Variants in PTK2 observed in about 807,000 individuals in gnomAD.
The protein encoded by PTK2 is focal adhesion kinase 1.
A neutral mutation model predicts 150.1 loss-of-function variants in PTK2; 45 were observed. The observed-to-expected ratio is 0.30, with a 90% CI of 0.24 to 0.38. The LOEUF is 0.38. PTK2 is among the 10% of genes least tolerant of loss of function. The pLI is 1.00. For missense variants in PTK2, 919 were observed against 1,307.3 expected (o/e 0.70, Z 4.58); for synonymous variants, 432 against 449.2 (o/e 0.96, Z 0.48).
intron 7 of PTK2, among the ~76,000 whole-genome samples, chr8:140,843,767 T>C (rs1469547836): frequency 6.6e-6 from 1 of 151,730 alleles, no homozygotes; most frequent in African/African-American, 2.4e-5. Context: ...GTATCCTGTA[T>C]AGTCCACACC....
chr8:140,920,934 C>G, intron 2 of PTK2: 1 of 1,491,994 alleles, frequency 6.7e-7, no homozygotes, highest in African/African-American at 1.4e-5. Flanking sequence ...CTATAAAGAT[C>G]AAGCCAGGAG....
intron 2 of PTK2, among the ~76,000 whole-genome samples, chr8:140,892,384 T>C (rs1035446953): frequency 1.3e-5 from 2 of 151,418 alleles, no homozygotes; most frequent in African/African-American, 4.9e-5. Flanking sequence ...AAAATTACAA[T>C]AAAGAGCCAG....
At chr8:140,772,707 T>TAACAACAAC (rs772227995) in intron 14 of PTK2, among the ~76,000 whole-genome samples, 5 of 151,626 alleles carry the variant, frequency 3.3e-5, no homozygotes, top group Admixed American at 3.3e-4. Flanking sequence ...AGGAAAAAAC[T>TAACAACAAC]AACAACAACA....
intron 3 of PTK2, among the ~76,000 whole-genome samples, chr8:140,880,784 C>T (rs761852011): frequency 1.3e-5 from 2 of 152,044 alleles, no homozygotes; most frequent in African/African-American, 2.4e-5. Flanking sequence ...TAACATGTAC[C>T]ATATACAAAA....
chr8:140,684,940 A>G (rs537478305), intron 27 of PTK2, among the ~76,000 whole-genome samples: 1 of 152,390 alleles, frequency 6.6e-6, no homozygotes, highest in South Asian at 2.1e-4. Flanking sequence ...AGTCAAAGCA[A>G]TCCTAAGCAA....
chr8:140,660,864 G>T (rs978341127), intron 31 of PTK2, among the ~76,000 whole-genome samples: 31 of 152,328 alleles, frequency 2.0e-4, no homozygotes, highest in African/African-American at 6.5e-4. Context: ...TTCAACCAGT[G>T]GTGACTTATC....
At chr8:140,932,848 G>A (rs2100172342) in intron 1 of PTK2, among the ~76,000 whole-genome samples, 1 of 93,808 alleles carries the variant, frequency 1.1e-5, no homozygotes, top group African/African-American at 3.9e-5. Flanking sequence ...AGCTTACTAA[G>A]AGTCTTCCTT....
At chr8:140,815,149 C>T (rs760353457) in intron 10 of PTK2, among the ~76,000 whole-genome samples, 3 of 151,706 alleles carry the variant, frequency 2.0e-5, no homozygotes, top group Non-Finnish European at 4.4e-5. Flanking sequence ...GACATGGAAT[C>T]AACCTAAATG....
chr8:140,724,512 C>G (rs2100044694), intron 22 of PTK2, among the ~76,000 whole-genome samples: 1 of 152,072 alleles, frequency 6.6e-6, no homozygotes. Flanking sequence ...GATTTTGATA[C>G]TTAAAGGAAT....
intron 1 of PTK2, among the ~76,000 whole-genome samples, chr8:140,999,111 TC>T (rs2100198986): frequency 6.6e-6 from 1 of 152,194 alleles, no homozygotes; most frequent in South Asian, 2.1e-4. Flanking sequence ...AAGTCCCATC[TC>T]CTCTCAGAGT....
intron 16 of PTK2, among the ~76,000 whole-genome samples, chr8:140,754,131 G>A (rs1213012350): frequency 6.6e-6 from 1 of 152,162 alleles, no homozygotes; most frequent in Non-Finnish European, 1.5e-5. Flanking sequence ...ATCGACTCAG[G>A]GACTGCATTC....
chr8:140,703,539 G>C (rs1205105871), intron 24 of PTK2, among the ~76,000 whole-genome samples: 1 of 152,164 alleles, frequency 6.6e-6, no homozygotes. Context: ...AAAAATGTCT[G>C]TGCCATACTT....
At chr8:140,917,101 G>A (rs2100165557) in intron 2 of PTK2, among the ~76,000 whole-genome samples, 1 of 152,104 alleles carries the variant, frequency 6.6e-6, no homozygotes, top group Non-Finnish European at 1.5e-5. Flanking sequence ...GAAAGAAACT[G>A]TAAAATTGAC....
rs1018522501 is a variant in PTK2 at position 140,793,487 on chromosome 8, A to T, written c.1094-103T>A. The stretch of plus-strand genomic sequence containing the variant: ...AGGATGAGGCCTATACTGGTATTCC[A>T]GCAATGACCCTTTAAAGAAAGTTGC... On this transcript the variant is annotated intron_variant, in intron 12 of 31. Coordinates refer to ENST00000522684, the Ensembl canonical transcript of PTK2. The T allele has an allele frequency of 3.3e-6, 4 of 1,230,616 alleles. No individual in the cohort carries two copies. In the African/African-American group the frequency reaches 6.2e-5, roughly 19 times the overall value. The allele number at this position is 1,230,616 out of a possible 1,614,324, so 76.2% of individuals were successfully genotyped here.
At chr8:140,970,307 C>T (rs1471165832) in intron 1 of PTK2, among the ~76,000 whole-genome samples, 1 of 152,270 alleles carries the variant, frequency 6.6e-6, no homozygotes. Flanking sequence ...CTCATGGATA[C>T]ACTATGCTGG....
At chr8:140,956,595 T>C (rs981275176) in intron 1 of PTK2, among the ~76,000 whole-genome samples, 1 of 152,178 alleles carries the variant, frequency 6.6e-6, no homozygotes, top group Non-Finnish European at 1.5e-5. Context: ...TTGGGAGGTA[T>C]TCCAGAAGGC....
intron 2 of PTK2, among the ~76,000 whole-genome samples, chr8:140,891,641 G>A (rs887626449): frequency 1.3e-5 from 2 of 152,164 alleles, no homozygotes; most frequent in Middle Eastern, 3.2e-3. Context: ...CAGAGCTTTC[G>A]GCAGCAAGGG....
chr8:140,856,020 A>C (rs1254545906), intron 5 of PTK2, among the ~76,000 whole-genome samples: 1 of 152,334 alleles, frequency 6.6e-6, no homozygotes, highest in Non-Finnish European at 1.5e-5. Flanking sequence ...AAAAGGTTTA[A>C]GCAGATTTTC....
intron 1 of PTK2, chr8:140,948,720 G>C (rs2100178519): frequency 6.6e-6 from 1 of 152,038 alleles, no homozygotes; most frequent in Non-Finnish European, 1.5e-5. Context: ...AACCAACCAT[G>C]GATCTAAAAT....
Sources: allele counts gnomAD v4.1 joint callset (sites outside exome capture counted in the v4.1 genomes callset), GRCh38; gene constraint gnomAD v4.1.1; transcripts MANE v1.5; gene names NCBI Gene and HGNC (gene_info 2026-07-23, HGNC 2026-07-21).